TMOD2: variants seen among roughly 807,000 people sequenced by gnomAD.
TMOD2 encodes tropomodulin-2.
In TMOD2, 22 loss-of-function variants were observed where a neutral mutation model predicts 39.9. The observed-to-expected ratio is 0.55, with a 90% confidence interval of 0.39 to 0.79. The LOEUF (loss-of-function observed/expected upper bound fraction) is 0.79, where lower values mean the gene tolerates loss of function less well. Ranked by LOEUF, TMOD2 falls within the 30% of genes least tolerant of loss-of-function variation. TMOD2 has a pLI of 0.00. For synonymous variants in TMOD2, 123 were observed against 146.1 expected (o/e 0.84, Z 1.14); for missense variants, 386 against 413.3 (o/e 0.93, Z 0.57).
At chr15:51,780,665 A>G (rs897936944) in intron 5 of TMOD2, among the ~76,000 whole-genome samples, 2 of 152,216 alleles carry the variant, frequency 1.3e-5, no homozygotes, top group Admixed American at 6.5e-5. Context: ...TTGGGAAATG[A>G]AGACTTATTG....
intron 4 of TMOD2, among the ~76,000 whole-genome samples, chr15:51,775,479 ATGTT>A (rs1048610237): frequency 6.7e-6 from 1 of 149,536 alleles, no homozygotes; most frequent in East Asian, 2.0e-4. Context: ...GCAAGAAGAT[ATGTT>A]TGTTGTATGG....
intron 8 of TMOD2, among the ~76,000 whole-genome samples, chr15:51,802,991 A>G (rs1595879302): frequency 6.6e-6 from 1 of 152,054 alleles, no homozygotes; most frequent in African/African-American, 2.4e-5. Context: ...AAATTTTCCA[A>G]ATTTAAAAGG....
chr15:51,809,838 T>G lies in TMOD2; in HGVS notation c.*1384T>G, dbSNP rs1326787039. 6.6e-6 allele frequency: 1 copy of G among 152,122 alleles called. No individual in the cohort carries two copies. The highest frequency in any genetic ancestry group is 1.5e-5 in the Non-Finnish European group (1 of 68,010). The allele number at this position is 152,122 out of a possible 1,614,324, so 9.4% of individuals were successfully genotyped here. A position where few individuals can be genotyped will look rare whatever the true frequency, so the allele number is the denominator to read the frequency against. ...TGTTTAGTAGCTGAGTGTTCCTGAG[T>G]TGCCTAGTAGCAATAAAACAAGTGA... On this transcript the variant is annotated 3_prime_UTR_variant, in exon 10 of 10. Transcript: ENST00000249700.
At chr15:51,799,348 C>A (rs2056073456) in intron 8 of TMOD2, among the ~76,000 whole-genome samples, 1 of 152,156 alleles carries the variant, frequency 6.6e-6, no homozygotes, top group African/African-American at 2.4e-5. Flanking sequence ...TGCAGACCCT[C>A]CAAGATCTGA....
rs764362316 is a variant in TMOD2, at chr15:51,798,256, T to G, written c.792T>G (p.Asn264Lys). Residue 264 changes from asparagine to lysine, a missense_variant, in exon 8 of 10, where the codon AAT becomes AAG. Coordinates refer to ENST00000249700, the MANE Select transcript of TMOD2 (RefSeq NM_014548.4). ...KTLTSLNIES[N>K]FITGTGILAL... ...TGACAAGTCTAAACATAGAATCCAA[T>G]TTTATCACTGGAACTGGGATCCTGG... The G allele has an allele frequency of 1.3e-5, 21 of 1,613,884 alleles. No homozygotes were observed. In the South Asian group the frequency reaches 2.3e-4, roughly 18 times the overall value.
chr15:51,778,167 A>T (rs1204211617), intron 5 of TMOD2, among the ~76,000 whole-genome samples: 1 of 151,904 alleles, frequency 6.6e-6, no homozygotes, highest in Non-Finnish European at 1.5e-5. Context: ...ATAAAAAATG[A>T]TGAGTTAATG....
At position 51,796,768 on chromosome 15, in the gene TMOD2, T is replaced by C. The variant is rs1051353584; in HGVS notation, c.733-1429T>C. ...CCTCCTCCCTCTTGTGATGATGACA[T>C]GAGATGGTAAAATGCCTGTATGATG... is the stretch of plus-strand genomic sequence containing the variant. On this transcript the variant is annotated intron_variant, in intron 7 of 9. Transcript: ENST00000249700. Among the ~76,000 whole-genome samples the C allele has an allele frequency of 2.6e-5, 4 of 152,152 alleles. No homozygotes were observed. In the East Asian group the frequency reaches 7.7e-4, roughly 29 times the overall value.
At chr15:51,789,522 T>C (rs1232281456) in intron 7 of TMOD2, among the ~76,000 whole-genome samples, 1 of 152,216 alleles carries the variant, frequency 6.6e-6, no homozygotes, top group Non-Finnish European at 1.5e-5. Context: ...AATAGACATC[T>C]GCAGAACTCT....
chr15:51,808,453 A>G lies in TMOD2; in HGVS notation c.1055A>G (p.Ter352=). 1 of 1,612,732 alleles carries G rather than the reference A, an allele frequency of 6.2e-7. No homozygotes were observed. The highest frequency in any genetic ancestry group is 1.1e-5 in the South Asian group (1 of 90,826). The stretch of plus-strand genomic sequence containing the variant: ...AAGAGAGTTGAAGCAGACCGAAGGT[A>G]AACTTCCTTGAGGAGAAGTGAAGTT... The part of the protein sequence containing the change: ...RKKRVEADRR[*] Residue 352 remains the stop codon, a stop_retained_variant, in exon 10 of 10, where the codon TAA becomes TGA. Transcript: ENST00000249700.
chr15:51,751,727 G>A lies in TMOD2; in HGVS notation c.-70+15G>A, dbSNP rs2055704617. 6.6e-6 allele frequency: 1 copy of A among 152,082 alleles called. No individual in the cohort carries two copies. Among genetic ancestry groups the A allele is most frequent in the South Asian group, 2.1e-4 (1 of 4,850 alleles). The allele number at this position is 152,082 out of a possible 1,614,324, so 9.4% of individuals were successfully genotyped here. A position where few individuals can be genotyped will look rare whatever the true frequency, so the allele number is the denominator to read the frequency against. The stretch of plus-strand genomic sequence containing the variant: ...CGCACGGACGGGTGAGCGCCCCGGG[G>A]GGCGGGTGGGGCCTGTTCTGGACAG... On this transcript the variant is annotated intron_variant, in intron 1 of 9. Transcript: ENST00000249700.
In TMOD2 at chr15:51,781,185, G is replaced by A. The variant is rs748762173; in HGVS notation, c.624+11G>A. On this transcript the variant is annotated intron_variant, in intron 6 of 9. Transcript: ENST00000249700. ...CTCAACAACATTAAGGTATTTCATTGTGATTATCATCAGTCAGTTAATTTA... is the reference window on the plus strand; with the variant it reads ...CTCAACAACATTAAGGTATTTCATTATGATTATCATCAGTCAGTTAATTTA... 6 of 1,590,384 alleles carry A rather than the reference G, an allele frequency of 3.8e-6. No homozygotes were observed. The highest frequency in any genetic ancestry group is 5.1e-6 in the Non-Finnish European group (6 of 1,172,662).
chr15:51,778,085 G>C (rs1237802188), intron 5 of TMOD2, among the ~76,000 whole-genome samples: 8 of 151,136 alleles, frequency 5.3e-5, no homozygotes, highest in Non-Finnish European at 8.8e-5. Context: ...TTGGAACCAA[G>C]CCAAATGTCC....
At chr15:51,806,325 GT>G in intron 8 of TMOD2, 51 bp from the exon 9 acceptor site, 1 of 1,602,908 alleles carries the variant, frequency 6.2e-7, no homozygotes, top group Non-Finnish European at 8.5e-7. Context: ...GCAAGTAACT[GT>G]TTCCTCTTCC....
chr15:51,776,538 A>T (rs2055890519), intron 4 of TMOD2, among the ~76,000 whole-genome samples: 1 of 152,202 alleles, frequency 6.6e-6, no homozygotes, highest in African/African-American at 2.4e-5. Flanking sequence ...GGAAAAATAT[A>T]TGCAGTAATC....
At chr15:51,772,713 A>G (rs1274108734) in intron 3 of TMOD2, among the ~76,000 whole-genome samples, 2 of 152,078 alleles carry the variant, frequency 1.3e-5, no homozygotes, top group African/African-American at 4.8e-5. Context: ...CCTGCTTTGG[A>G]GACTCTAGAG....
At chr15:51,788,130 A>T (rs2055983697) in intron 7 of TMOD2, among the ~76,000 whole-genome samples, 1 of 152,210 alleles carries the variant, frequency 6.6e-6, no homozygotes, top group Non-Finnish European at 1.5e-5. Flanking sequence ...TAGAATAACC[A>T]GTGTAGAGAA....
chr15:51,782,877 A>C, intron 7 of TMOD2, 49 bp downstream of exon 7: 1 of 1,543,736 alleles, frequency 6.5e-7, no homozygotes, highest in Non-Finnish European at 8.9e-7. Flanking sequence ...AATTCACTGG[A>C]AACTCTATTT....
intron 9 of TMOD2, among the ~76,000 whole-genome samples, chr15:51,807,350 G>C (rs1333403656): frequency 6.6e-6 from 1 of 152,216 alleles, no homozygotes; most frequent in Non-Finnish European, 1.5e-5. Context: ...CTAAAGGTTA[G>C]AACGGGAAGG....
Position 51,801,217 on chromosome 15 carries a change from CCTCT to C in TMOD2, c.876+2895_876+2898del, listed in dbSNP as rs71127202. On this transcript the variant is annotated intron_variant, in intron 8 of 9. Transcript: ENST00000249700. ...AGACCCTGTATATTCATTCTCTCTC[CCTCT>C]CTCTCTCTCTCTCTCTCACACACAC... 6.7e-3 allele frequency among the ~76,000 whole-genome samples: 805 copies of C among 119,336 alleles called. 6 individuals are homozygous for C. Among genetic ancestry groups the C allele is most frequent in the African/African-American group, 0.019 (577 of 30,810 alleles). The allele number at this position is 119,336 out of a possible 152,430, so 78.3% of individuals were successfully genotyped here. A position where few individuals can be genotyped will look rare whatever the true frequency, so the allele number is the denominator to read the frequency against.
Sources: gnomAD v4.1 joint callset for allele counts (sites outside exome capture counted in the v4.1 genomes callset) on GRCh38, gnomAD v4.1.1 for gene constraint, MANE v1.5 for transcripts, NCBI Gene and HGNC (gene_info 2026-07-23, HGNC 2026-07-21) for gene names.